Variants in FLRT3 observed in about 807,000 individuals in gnomAD.
FLRT3 encodes fibronectin leucine rich transmembrane protein 3.
A neutral mutation model predicts 42.6 loss-of-function variants in FLRT3; 17 were observed. The ratio of observed to expected loss-of-function variants is 0.40; its 90% CI spans 0.27 to 0.60. The LOEUF (loss-of-function observed/expected upper bound fraction) is 0.60, where lower values mean the gene tolerates loss of function less well. FLRT3 is among the 20% of genes least tolerant of loss of function. FLRT3 has a pLI of 0.44. For synonymous variants in FLRT3, 279 were observed against 286.4 expected, an observed-to-expected ratio of 0.97 and a Z score of 0.26; for missense variants, 635 against 789.2, an observed-to-expected ratio of 0.80 and a Z score of 2.34.
In FLRT3 at chr20:14,327,039, G is replaced by C. The variant is rs770123946; in HGVS notation, c.468C>G (p.Leu156=). The C allele has an allele frequency of 6.2e-7, 1 of 1,613,768 alleles. No homozygotes were observed. The highest frequency in any genetic ancestry group is 8.5e-7 in the Non-Finnish European group (1 of 1,179,796). The part of the protein sequence containing the change: ...EEGAFRDSNY[L]RLLFLSRNHL... ...GATTACGGGACAGGAAAAGCAGTCG[G>C]AGATAGTTGCTGTCTCGGAATGCTC... The change falls in exon 3 of 3, where the codon CTC becomes CTG. Residue 156 remains leucine (L), a synonymous_variant. Coordinates refer to ENST00000341420, the MANE Select transcript of FLRT3 (RefSeq NM_198391.3).
intron 1 of FLRT3, among the ~76,000 whole-genome samples, chr20:14,333,066 TG>T (rs1048704002): frequency 6.6e-6 from 1 of 151,994 alleles, no homozygotes; most frequent in African/African-American, 2.4e-5. Context: ...CCAATTCTTT[TG>T]TTCAATGCCA....
rs2082687065 is a variant in FLRT3, at chr20:14,323,497, T to C, written c.*2060A>G. The C allele has an allele frequency of 6.6e-6, 1 of 152,134 alleles. No homozygotes were observed. Among genetic ancestry groups the C allele is most frequent in the Non-Finnish European group, 1.5e-5 (1 of 68,038 alleles). 9.4% of individuals were successfully genotyped at this position (152,134 alleles called of 1,614,324 possible). A position where few individuals can be genotyped will look rare whatever the true frequency, so the allele number is the denominator to read the frequency against. On this transcript the variant is annotated 3_prime_UTR_variant, in exon 3 of 3. Transcript: ENST00000341420. ...GTTTTTTTATGGAGGCTTGATTACA[T>C]AGGCATGCTTGATTAAACCACTGGT...
intron 1 of FLRT3, among the ~76,000 whole-genome samples, chr20:14,332,378 C>T (rs975070624): frequency 6.6e-6 from 1 of 152,082 alleles, no homozygotes; most frequent in Non-Finnish European, 1.5e-5. Flanking sequence ...TTGCGGCAAT[C>T]TACATGTTTA....
Position 14,327,251 on chromosome 20 carries a change from C to G in FLRT3, c.256G>C (p.Glu86Gln), listed in dbSNP as rs764985621. The change falls in exon 3 of 3, where the codon GAA becomes CAA. Residue 86 changes from glutamate (E) to glutamine (Q), a missense_variant. Physicochemically the swap from Glu to Gln is conservative, Grantham distance 29. Transcript: ENST00000341420. ...CTGTTGTGGTATAGGTATATTCTTT[C>G]TACTTTCAGCAAGTTTTTCAAATCT... ...PSDLKNLLKV[E>Q]RIYLYHNSLD... The G allele has an allele frequency of 3.1e-6, 5 of 1,613,630 alleles. No individual in the cohort carries two copies. Among genetic ancestry groups the G allele is most frequent in the Admixed American group, 3.3e-5 (2 of 59,974 alleles).
chr20:14,329,823 T>G (rs1783587861), intron 1 of FLRT3, among the ~76,000 whole-genome samples: 1 of 152,030 alleles, frequency 6.6e-6, no homozygotes, highest in Non-Finnish European at 1.5e-5. Context: ...TTTGATTTGC[T>G]TAGTGCCCTG....
rs762539167 is a variant in FLRT3, at chr20:14,327,410, A to G, written c.97T>C (p.Ser33Pro). The change falls in exon 3 of 3, where the codon TCT becomes CCT. Residue 33 changes from serine (S) to proline (P), a missense_variant. By Grantham distance (74) the Ser-to-Pro change is moderately conservative. Transcript: ENST00000341420. ...AAACCCGCATCGCAGCGACACACAGATGGACAGGATTTAGCCATAACTGAT... is the reference window on the plus strand; with the variant it reads ...AAACCCGCATCGCAGCGACACACAGGTGGACAGGATTTAGCCATAACTGAT... ...PLSVMAKSCP[S>P]VCRCDAGFIY... The G allele has an allele frequency of 1.9e-5, 31 of 1,613,576 alleles. No homozygotes were observed. The East Asian group carries it at 2.0e-4, about 10-fold the overall frequency.
rs1366465085 is a variant in FLRT3, at chr20:14,325,589, C to A, written c.1918G>T (p.Gly640Cys). 1 of 1,612,534 alleles carries A rather than the reference C, an allele frequency of 6.2e-7. No individual in the cohort carries two copies. Among genetic ancestry groups the A allele is most frequent in the African/African-American group, 1.3e-5 (1 of 74,850 alleles). ...TGTGAGTGATCTGAGTCTGGAATAC[C>A]ACTGTCTCTGTAGCTTCGGTTACTA... ...SSSNRSYRDS[G>C]IPDSDHSHS Residue 640 changes from glycine (G) to cysteine (C), a missense_variant, in exon 3 of 3, where the codon GGT becomes TGT. Transcript: ENST00000341420.
chr20:14,332,576 A>C (rs756784365), intron 1 of FLRT3, among the ~76,000 whole-genome samples: 4 of 152,188 alleles, frequency 2.6e-5, no homozygotes, highest in Admixed American at 2.0e-4. Flanking sequence ...ATTTTTTAAA[A>C]ATATTAATTC....
chr20:14,336,461 AC>A (rs1379989631), intron 1 of FLRT3, among the ~76,000 whole-genome samples: 1 of 152,148 alleles, frequency 6.6e-6, no homozygotes, highest in Admixed American at 6.5e-5. Context: ...AATTCAGTGA[AC>A]AAAATTTTTT....
In FLRT3 at chr20:14,324,138, T is replaced by G. The variant is rs2082697830; in HGVS notation, c.*1419A>C. The G allele has an allele frequency of 6.6e-6, 1 of 152,616 alleles. No homozygotes were observed. The highest frequency in any genetic ancestry group is 1.5e-5 in the Non-Finnish European group (1 of 68,036). The allele number at this position is 152,616 out of a possible 1,614,324, so 9.5% of individuals were successfully genotyped here. On this transcript the variant is annotated 3_prime_UTR_variant, in exon 3 of 3. Transcript: ENST00000341420. The stretch of plus-strand genomic sequence containing the variant: ...AGCAAGCACAATTATTCTGTACTTT[T>G]TAAAAGTTTTATTCAGCAATAAGAC...
rs1650623546 is a variant in FLRT3 at position 14,326,336 on chromosome 20, T to C, written c.1171A>G (p.Ile391Val). 6.2e-7 allele frequency: 1 copy of C among 1,613,812 alleles called. No individual in the cohort carries two copies. The highest frequency in any genetic ancestry group is 8.5e-7 in the Non-Finnish European group (1 of 1,179,878). Residue 391 changes from isoleucine (I) to valine (V), a missense_variant, in exon 3 of 3, where the codon ATT becomes GTT. Physicochemically the swap from Ile to Val is conservative, Grantham distance 29 (BLOSUM62 3). Transcript: ENST00000341420. The surrounding 1 kb of genome is among the most constrained non-coding windows in gnomAD (Gnocchi z 5.5). ...WPAPVTKQPD[I>V]KNPKLTKDHQ... Reference sequence around the variant, plus strand: ...TCCTTAGTGAGCTTGGGGTTCTTAATATCTGGCTGTTTGGTCACTGGAGCT... The same window carrying C: ...TCCTTAGTGAGCTTGGGGTTCTTAACATCTGGCTGTTTGGTCACTGGAGCT...
chr20:14,331,873 G>T (rs1348824785), intron 1 of FLRT3, among the ~76,000 whole-genome samples: 2 of 152,048 alleles, frequency 1.3e-5, no homozygotes, highest in Non-Finnish European at 2.9e-5. Context: ...GACCCCCACT[G>T]GCATGGACAC....
In FLRT3 at chr20:14,325,748, G is replaced by A. The variant is rs2082722041; in HGVS notation, c.1759C>T (p.Leu587=). ...TGAAAAGAAGTTTCCCTGATTTCCA[G>A]GATAGAGTTGTCCTTCTTAGTGCCA... ...EAGTKKDNSI[L]EIRETSFQML... The change falls in exon 3 of 3, where the codon CTG becomes TTG. Residue 587 remains leucine, a synonymous_variant. Transcript: ENST00000341420. 1 of 1,613,924 alleles carries A rather than the reference G, an allele frequency of 6.2e-7. No individual in the cohort carries two copies. Among genetic ancestry groups the A allele is most frequent in the African/African-American group, 1.3e-5 (1 of 75,038 alleles).
rs2082733402 is a variant in FLRT3 at position 14,326,272 on chromosome 20, G to T, written c.1235C>A (p.Thr412Lys). The change falls in exon 3 of 3, where the codon ACA (threonine) becomes AAA (lysine). Residue 412 changes from threonine to lysine, a missense_variant. Physicochemically the swap from Thr to Lys is moderately conservative, Grantham distance 78. Transcript: ENST00000341420. The surrounding 1 kb of genome is among the most constrained non-coding windows in gnomAD (Gnocchi z 5.5). ...AGAGGTGACAGACTTCACAGTAATT[G>T]TAATTGTTTTTCTTGAGGGACTCCC... ...TTGSPSRKTITITVKSVTSDT... is the reference protein window; with the variant it reads ...TTGSPSRKTIKITVKSVTSDT... 1 of 1,613,922 alleles carries T rather than the reference G, an allele frequency of 6.2e-7. No individual in the cohort carries two copies. Among genetic ancestry groups the T allele is most frequent in the Admixed American group, 1.7e-5 (1 of 60,004 alleles).
chr20:14,325,523 C>A lies in FLRT3; in HGVS notation c.*34G>T, dbSNP rs756492451. 7 of 1,566,054 alleles carry A rather than the reference C, an allele frequency of 4.5e-6. No individual in the cohort carries two copies. The African/African-American group carries it at 6.8e-5, about 15-fold the overall frequency. On this transcript the variant is annotated 3_prime_UTR_variant, in exon 3 of 3. Coordinates refer to ENST00000341420, the MANE Select transcript of FLRT3 (RefSeq NM_198391.3). ...CATCACCTCCCTTAGGTTTAAAAAA[C>A]CCAAAACACAAGTCTGCTGTGAGTC... is the stretch of plus-strand genomic sequence containing the variant.
intron 1 of FLRT3, among the ~76,000 whole-genome samples, chr20:14,333,436 A>G (rs78303951): frequency 0.023 from 3,454 of 152,284 alleles, 56 homozygotes; most frequent in Non-Finnish European, 0.035. Context: ...ATGATATTAA[A>G]CCCAAAGTAA....
At chr20:14,332,490 AT>A (rs1302931776) in intron 1 of FLRT3, among the ~76,000 whole-genome samples, 6 of 152,166 alleles carry the variant, frequency 3.9e-5, no homozygotes, top group African/African-American at 1.4e-4. Context: ...ATGAAGCTGT[AT>A]AATAGTAGTG....
chr20:14,323,517 A>G lies in FLRT3; in HGVS notation c.*2040T>C, dbSNP rs1006608239. The G allele has an allele frequency of 5.9e-5, 9 of 152,096 alleles. No homozygotes were observed. Among genetic ancestry groups the G allele is most frequent in the African/African-American group, 2.2e-4 (9 of 41,428 alleles). The allele number at this position is 152,096 out of a possible 1,614,324, so 9.4% of individuals were successfully genotyped here. A position where few individuals can be genotyped will look rare whatever the true frequency, so the allele number is the denominator to read the frequency against. On this transcript the variant is annotated 3_prime_UTR_variant, in exon 3 of 3. Coordinates refer to ENST00000341420, the MANE Select transcript of FLRT3 (RefSeq NM_198391.3). ...TTACATAGGCATGCTTGATTAAACC[A>G]CTGGTCACTGGTGATCAACTTAATC... is the stretch of plus-strand genomic sequence containing the variant.
intron 1 of FLRT3, 28 bp downstream of exon 1, chr20:14,337,376 C>A: frequency 2.0e-5 from 6 of 302,192 alleles, no homozygotes; most frequent in Non-Finnish European, 3.0e-5. Flanking sequence ...CTGGGACAAT[C>A]ATAAGAAAAA....
Sources: gnomAD v4.1 joint callset for allele counts (sites outside exome capture counted in the v4.1 genomes callset) on GRCh38, gnomAD v4.1.1 for gene constraint, Gnocchi (gnomAD v3.1) non-coding constraint, MANE v1.5 for transcripts, NCBI Gene and HGNC (gene_info 2026-07-23, HGNC 2026-07-21) for gene names.